Variants in ITGA11 observed in about 807,000 individuals in gnomAD.
The protein encoded by ITGA11 is integrin alpha-11.
Under a neutral mutation model 141.9 loss-of-function variants are expected in ITGA11, and 97 were observed. The ratio of observed to expected loss-of-function variants is 0.68; its 90% CI spans 0.58 to 0.81. The LOEUF is 0.81. Ranked by LOEUF, ITGA11 falls within the 30% of genes least tolerant of loss-of-function variation. The probability of loss-of-function intolerance (pLI) is 0.00; values close to 1 mark genes in which losing one functional copy is unlikely to be tolerated. For missense variants in ITGA11, 1,387 were observed against 1,559.2 expected (o/e 0.89, Z 1.86); for synonymous variants, 658 against 624.6 (o/e 1.05, Z -0.80).
At chr15:68,362,612 G>A (rs1400389637) in intron 4 of ITGA11, among the ~76,000 whole-genome samples, 2 of 152,026 alleles carry the variant, frequency 1.3e-5, no homozygotes, top group Non-Finnish European at 2.9e-5. Flanking sequence ...GATGAATGAT[G>A]TATAGATGGA....
rs1329336942 is a variant in ITGA11, at chr15:68,300,793, TG to T, written c.*2265del. ...CCAGAGGTTGCAATTCAGTGACCTC[TG>T]GGCTGCATCTGACCAGCAGGTACAT... On this transcript the variant is annotated 3_prime_UTR_variant, in exon 30 of 30. Transcript: ENST00000315757. 2 of 152,104 alleles carry T rather than the reference TG, an allele frequency of 1.3e-5. No individual in the cohort carries two copies. Among genetic ancestry groups the T allele is most frequent in the Non-Finnish European group, 2.9e-5 (2 of 68,010 alleles). 9.4% of individuals were successfully genotyped at this position (152,104 alleles called of 1,614,324 possible).
At chr15:68,382,507 A>G (rs918532854) in intron 2 of ITGA11, among the ~76,000 whole-genome samples, 3 of 152,150 alleles carry the variant, frequency 2.0e-5, no homozygotes, top group African/African-American at 7.2e-5. Context: ...CTTCCCCAAG[A>G]TTTACCTTGG....
chr15:68,326,397 C>T lies in ITGA11; in HGVS notation c.2211+257G>A, dbSNP rs896567980. Among the ~76,000 whole-genome samples, 1 of 152,128 alleles carries T rather than the reference C, an allele frequency of 6.6e-6. No homozygotes were observed. The highest frequency in any genetic ancestry group is 6.5e-5 in the Admixed American group (1 of 15,282). On this transcript the variant is annotated intron_variant, in intron 17 of 29. Coordinates refer to ENST00000315757, the MANE Select transcript of ITGA11 (RefSeq NM_001004439.2). The surrounding 1 kb of genome is among the most constrained non-coding windows in gnomAD (Gnocchi z 6.8). ...AGTTCTCTCTGCTGGACCTACTGAG[C>T]CCACCTTCCTCCCTTCGGCATCTGA...
intron 2 of ITGA11, among the ~76,000 whole-genome samples, chr15:68,392,929 G>T (rs1567154987): frequency 6.6e-6 from 1 of 152,140 alleles, no homozygotes; most frequent in African/African-American, 2.4e-5. Context: ...TCCAGATATT[G>T]GAGTTAACCA....
Position 68,339,610 on chromosome 15 carries a change from T to A in ITGA11, c.1166A>T (p.Asp389Val). ...GVLLGAVGAY[D>V]WNGAVLKETS... ...CTCCTTTAGCACAGCTCCATTCCAGTCATAGGCACCGACGGCTCCCAGCAG... is the reference window on the plus strand; with the variant it reads ...CTCCTTTAGCACAGCTCCATTCCAGACATAGGCACCGACGGCTCCCAGCAG... The change falls in exon 11 of 30, where the codon GAC becomes GTC. Residue 389 changes from aspartate (D) to valine (V), a missense_variant. Coordinates refer to ENST00000315757, the MANE Select transcript of ITGA11 (RefSeq NM_001004439.2). 6.2e-7 allele frequency: 1 copy of A among 1,613,924 alleles called. No homozygotes were observed. The highest frequency in any genetic ancestry group is 8.5e-7 in the Non-Finnish European group (1 of 1,179,878).
rs1164898975 is a variant in ITGA11 at position 68,303,158 on chromosome 15, AGAG to A, written c.3496-31_3496-29del. 6.5e-7 allele frequency: 1 copy of A among 1,546,026 alleles called. No homozygotes were observed. Among genetic ancestry groups the A allele is most frequent in the Non-Finnish European group, 8.7e-7 (1 of 1,143,242 alleles). ...GTGAGGAGGCAAAGGGAGACGTCTC[AGAG>A]GAGGACAGGGTGGGCAAGGCCTGCC... On this transcript the variant is annotated intron_variant, in intron 29 of 29. Transcript: ENST00000315757. This position sits in a 1 kb window ranked among gnomAD's most constrained non-coding sequence, Gnocchi z 5.3.
chr15:68,385,180 A>G (rs1466704757), intron 2 of ITGA11, among the ~76,000 whole-genome samples: 1 of 152,252 alleles, frequency 6.6e-6, no homozygotes, highest in Non-Finnish European at 1.5e-5. Flanking sequence ...TTGAGTTTCC[A>G]TTGCTTGGAA....
intron 1 of ITGA11, among the ~76,000 whole-genome samples, chr15:68,412,156 GCTTAGCTCT>G (rs1456692515): frequency 9.9e-5 from 15 of 152,258 alleles, no homozygotes; most frequent in African/African-American, 3.6e-4. Context: ...AATTGATGCA[GCTTAGCTCT>G]TAAGTGATGG....
At position 68,330,969 on chromosome 15, in the gene ITGA11, G is replaced by A. The variant is rs764630874; in HGVS notation, c.1901+12C>T. 62 of 1,613,534 alleles carry A rather than the reference G, an allele frequency of 3.8e-5. No homozygotes were observed. The African/African-American group carries it at 5.1e-4, about 13-fold the overall frequency. On this transcript the variant is annotated intron_variant, in intron 15 of 29. Transcript: ENST00000315757. ...GGAGAGCCCAGGAGGTGGGAACAGC[G>A]GGGGAACCAACCACAGAATCACAGC...
At chr15:68,405,158 C>CTTT (rs1566940352) in intron 1 of ITGA11, among the ~76,000 whole-genome samples, 1 of 7,816 alleles carries the variant, frequency 1.3e-4, no homozygotes, top group East Asian at 3.8e-3. Flanking sequence ...CCACTGTCTC[C>CTTT]CTTTTTTTTT....
chr15:68,357,052 C>G, intron 7 of ITGA11, 99 bp downstream of exon 7: 1 of 1,097,886 alleles, frequency 9.1e-7, no homozygotes, highest in Non-Finnish European at 1.3e-6. Context: ...ATTATTGTCT[C>G]AAGGTACTAA....
At chr15:68,390,157 A>C (rs1316724735) in intron 2 of ITGA11, among the ~76,000 whole-genome samples, 1 of 152,146 alleles carries the variant, frequency 6.6e-6, no homozygotes, top group Non-Finnish European at 1.5e-5. Context: ...ACTGTTCAGG[A>C]TGTCTGAAGC....
chr15:68,367,143 C>T (rs1895448197), intron 3 of ITGA11, among the ~76,000 whole-genome samples: 1 of 152,120 alleles, frequency 6.6e-6, no homozygotes, highest in South Asian at 2.1e-4. Flanking sequence ...CCACTGCCTC[C>T]TAGGCTTGTG....
Position 68,305,971 on chromosome 15 carries a change from G to T in ITGA11, c.3381+1377C>A, listed in dbSNP as rs1340260195. Among the ~76,000 whole-genome samples, 1 of 151,328 alleles carries T rather than the reference G, an allele frequency of 6.6e-6. No individual in the cohort carries two copies. The highest frequency in any genetic ancestry group is 6.6e-5 in the Admixed American group (1 of 15,194). ...GGAAGCCGAGGCGGGCAGATCATGA[G>T]GTCAGGAGATCGAGACCATCCTGGC... On this transcript the variant is annotated intron_variant, in intron 28 of 29. Transcript: ENST00000315757. This position sits in a 1 kb window ranked among gnomAD's most constrained non-coding sequence, Gnocchi z 4.6.
chr15:68,311,343 C>A lies in ITGA11; in HGVS notation c.3034G>T (p.Ala1012Ser), dbSNP rs377220132. Reference protein sequence around the residue: ...GMMMKITIPIATRSGNRLLKL... With the variant: ...GMMMKITIPISTRSGNRLLKL... ...AGTAGGCGGTTGCCGCTCCTGGTGG[C>A]GATGGGAATGGTGATCTTCATCATC... Residue 1012 changes from alanine to serine, a missense_variant, in exon 25 of 30, where the codon GCC becomes TCC. Ala to Ser is a moderately conservative substitution (Grantham distance 99). Coordinates refer to ENST00000315757, the MANE Select transcript of ITGA11 (RefSeq NM_001004439.2). 1 of 1,579,092 alleles carries A rather than the reference C, an allele frequency of 6.3e-7. No individual in the cohort carries two copies. Among genetic ancestry groups the A allele is most frequent in the Admixed American group, 1.8e-5 (1 of 55,412 alleles).
intron 1 of ITGA11, among the ~76,000 whole-genome samples, chr15:68,408,135 T>C (rs746922576): frequency 1.3e-5 from 2 of 152,196 alleles, no homozygotes; most frequent in Admixed American, 6.5e-5. Context: ...AGATGCACGT[T>C]GCTTCCTCTG....
chr15:68,332,124 T>C, intron 13 of ITGA11, 62 bp from the exon 14 acceptor site: 6 of 1,414,016 alleles, frequency 4.2e-6, no homozygotes, highest in Non-Finnish European at 5.9e-6. Flanking sequence ...AGGCTCATAA[T>C]TCCCTCTGCA....
At chr15:68,359,151 T>C (rs1895163170) in intron 5 of ITGA11, among the ~76,000 whole-genome samples, 1 of 152,158 alleles carries the variant, frequency 6.6e-6, no homozygotes, top group South Asian at 2.1e-4. Context: ...CTAGAGTAAT[T>C]AATGAGAAGA....
chr15:68,349,849 G>A (rs1595871910), intron 9 of ITGA11, among the ~76,000 whole-genome samples: 1 of 152,232 alleles, frequency 6.6e-6, no homozygotes, highest in Non-Finnish European at 1.5e-5. Flanking sequence ...TAGGGATTAA[G>A]GGTTTCAGAA....
Sources: gnomAD v4.1 joint callset for allele counts (sites outside exome capture counted in the v4.1 genomes callset) on GRCh38, gnomAD v4.1.1 for gene constraint, Gnocchi (gnomAD v3.1) non-coding constraint, MANE v1.5 for transcripts, NCBI Gene and HGNC (gene_info 2026-07-23, HGNC 2026-07-21) for gene names.